Variants in SCN3A observed in about 807,000 individuals in gnomAD.
SCN3A encodes sodium voltage-gated channel alpha subunit 3.
Under a neutral mutation model 187.6 loss-of-function variants are expected in SCN3A, and 60 were observed. The ratio of observed to expected loss-of-function variants is 0.32; its 90% CI spans 0.26 to 0.40. The LOEUF (loss-of-function observed/expected upper bound fraction) is 0.40. Ranked by LOEUF, SCN3A falls within the 10% of genes least tolerant of loss-of-function variation. The pLI is 1.00. For synonymous variants in SCN3A, 788 were observed against 829.2 expected (o/e 0.95, Z 0.85); for missense variants, 1,601 against 2,428.2 (o/e 0.66, Z 7.16).
chr2:165,103,036 CT>C (rs1685681531), intron 21 of SCN3A, among the ~76,000 whole-genome samples: 1 of 152,132 alleles, frequency 6.6e-6, no homozygotes, highest in African/African-American at 2.4e-5. Context: ...ATATTTTTTT[CT>C]GGTTTGCATG....
chr2:165,140,884 CA>C lies in SCN3A; in HGVS notation c.1785del (p.Asp595GlufsTer69). 1 of 1,614,062 alleles carries C rather than the reference CA, an allele frequency of 6.2e-7. No individual in the cohort carries two copies. Among genetic ancestry groups the C allele is most frequent in the African/African-American group, 1.3e-5 (1 of 75,046 alleles). On this transcript the variant is annotated frameshift_variant, in exon 13 of 28. Coordinates refer to ENST00000283254, the MANE Select transcript of SCN3A (RefSeq NM_006922.4). LOFTEE classifies it high-confidence loss of function. This position sits in a 1 kb window ranked among gnomAD's most constrained non-coding sequence, Gnocchi z 4.2. ...CTGTCTTCAAATGTGCTGTGTTCAT[CA>C]TCAGCAAAGTCATTTTCAGATCCAA... ...KDVGSENDFA[D>X]DEHSTFEDSE...
chr2:165,135,844 C>T (rs761178674), intron 15 of SCN3A, among the ~76,000 whole-genome samples: 34 of 152,086 alleles, frequency 2.2e-4, no homozygotes, highest in Non-Finnish European at 4.0e-4. Flanking sequence ...TAACTCAAGT[C>T]TGTTCCCTAT....
chr2:165,168,830 A>G lies in SCN3A; in HGVS notation c.384-5T>C. 1 of 1,599,814 alleles carries G rather than the reference A, an allele frequency of 6.3e-7. No homozygotes were observed. Among genetic ancestry groups the G allele is most frequent in the South Asian group, 1.1e-5 (1 of 90,810 alleles). On this transcript the variant is annotated splice_region_variant and splice_polypyrimidine_tract_variant and intron_variant, in intron 4 of 27. Transcript: ENST00000283254. ...ATGATAAGCATGCTGAATAAAGTAG[A>G]TTATAGTTAAGGAATAAATGTTAGT...
intron 11 of SCN3A, 85 bp from the exon 12 acceptor site, chr2:165,147,114 T>C: frequency 6.8e-7 from 1 of 1,478,548 alleles, no homozygotes; most frequent in Non-Finnish European, 9.3e-7. Context: ...CATTTAAGAC[T>C]CATTAACTAC....
intron 15 of SCN3A, among the ~76,000 whole-genome samples, chr2:165,131,705 C>G (rs1687332009): frequency 6.7e-6 from 1 of 150,240 alleles, no homozygotes; most frequent in Admixed American, 6.7e-5. Context: ...CACCCATTAA[C>G]TCGTCATTTA....
intron 12 of SCN3A, among the ~76,000 whole-genome samples, chr2:165,143,794 A>C (rs73969193): frequency 0.21 from 32,335 of 152,020 alleles, 3,400 homozygotes; most frequent in East Asian, 0.31. Context: ...GGAAAATAGA[A>C]GAAATTAGGT....
Position 165,163,494 on chromosome 2 carries a change from T to C in SCN3A, c.694+124A>G, listed in dbSNP as rs1689536958. 1.7e-5 allele frequency: 20 copies of C among 1,145,180 alleles called. 1 individual carries two copies. Among genetic ancestry groups the C allele is most frequent in the Non-Finnish European group, 1.4e-5 (11 of 777,974 alleles). The allele number at this position is 1,145,180 out of a possible 1,614,324, so 70.9% of individuals were successfully genotyped here. On this transcript the variant is annotated intron_variant, in intron 7 of 27. Coordinates refer to ENST00000283254, the MANE Select transcript of SCN3A (RefSeq NM_006922.4). ...TAGGAGCTAAACTGACATTGAAACA[T>C]CATTTGGCATTATTTAACGGGATGA... is the stretch of plus-strand genomic sequence containing the variant.
At chr2:165,103,740 A>T (rs1007113414) in intron 21 of SCN3A, among the ~76,000 whole-genome samples, 7 of 152,036 alleles carry the variant, frequency 4.6e-5, no homozygotes, top group Non-Finnish European at 1.0e-4. Context: ...AACAACAGGA[A>T]TTTTTTTTCC....
At chr2:165,191,310 T>G (rs1306545879) in intron 1 of SCN3A, among the ~76,000 whole-genome samples, 2 of 152,098 alleles carry the variant, frequency 1.3e-5, no homozygotes, top group Non-Finnish European at 2.9e-5. Context: ...TTACCTTGCC[T>G]GTCAGAGTGA....
intron 12 of SCN3A, among the ~76,000 whole-genome samples, chr2:165,142,494 T>C (rs1285252451): frequency 6.6e-6 from 1 of 152,214 alleles, no homozygotes; most frequent in East Asian, 1.9e-4. Context: ...CAGGAACTAT[T>C]GGCTGTCCAG....
In SCN3A at chr2:165,089,031, G is replaced by C. The variant is rs1443765909; in HGVS notation, c.*1119C>G. ...AACCAAGACTTGTGAAGAATGGATT[G>C]AGTAAAATAGAGCAGCATAGGCAAT... is the stretch of plus-strand genomic sequence containing the variant. On this transcript the variant is annotated 3_prime_UTR_variant, in exon 28 of 28. Transcript: ENST00000283254. The C allele has an allele frequency of 6.6e-6, 1 of 152,540 alleles. No homozygotes were observed. The highest frequency in any genetic ancestry group is 1.5e-5 in the Non-Finnish European group (1 of 68,000). 9.4% of individuals were successfully genotyped at this position (152,540 alleles called of 1,614,324 possible).
At chr2:165,167,276 A>G (rs1689827560) in intron 5 of SCN3A, among the ~76,000 whole-genome samples, 1 of 152,224 alleles carries the variant, frequency 6.6e-6, no homozygotes, top group Non-Finnish European at 1.5e-5. Context: ...AAAATCATGT[A>G]TAGTAAATGA....
At chr2:165,144,542 C>G (rs1001059864) in intron 12 of SCN3A, among the ~76,000 whole-genome samples, 1 of 152,124 alleles carries the variant, frequency 6.6e-6, no homozygotes, top group South Asian at 2.1e-4. Context: ...TTTGCACTTC[C>G]TCTTTCATCA....
rs1685131155 is a variant in SCN3A, at chr2:165,092,026, T to C, written c.4807+228A>G. On this transcript the variant is annotated intron_variant, in intron 27 of 27. Transcript: ENST00000283254. The surrounding 1 kb of genome is among the most constrained non-coding windows in gnomAD (Gnocchi z 4.2). ...AGAGTACCTGATAATGTTTATTTCC[T>C]GTCTTCTTCACCTCTTTCCCAAATC... 1.7e-6 allele frequency: 1 copy of C among 583,866 alleles called. No homozygotes were observed. The highest frequency in any genetic ancestry group is 3.0e-6 in the Non-Finnish European group (1 of 329,120). The allele number at this position is 583,866 out of a possible 1,614,324, so 36.2% of individuals were successfully genotyped here.
intron 1 of SCN3A, among the ~76,000 whole-genome samples, chr2:165,193,756 C>T (rs1691757373): frequency 6.6e-6 from 1 of 152,028 alleles, no homozygotes; most frequent in Non-Finnish European, 1.5e-5. Flanking sequence ...TTCAAGATGG[C>T]GGTGTTGACT....
chr2:165,123,718 G>A (rs1686822452), intron 18 of SCN3A, among the ~76,000 whole-genome samples: 2 of 152,116 alleles, frequency 1.3e-5, no homozygotes, highest in Admixed American at 1.3e-4. Context: ...CTATTAAAAG[G>A]GAATAACCCA....
chr2:165,100,488 G>T (rs1685553836), intron 21 of SCN3A, 64 bp from the exon 22 acceptor site: 5 of 1,532,218 alleles, frequency 3.3e-6, no homozygotes, highest in South Asian at 2.3e-5. Flanking sequence ...AAGGTATAGG[G>T]TGTGGTATCT....
In SCN3A at chr2:165,202,428, G is replaced by A. The variant is rs376761879; in HGVS notation, c.-248+1395C>T. Among the ~76,000 whole-genome samples, 20 of 152,124 alleles carry A rather than the reference G, an allele frequency of 1.3e-4. No individual in the cohort carries two copies. In the South Asian group the frequency reaches 4.2e-3, roughly 32 times the overall value. Reference sequence around the variant, plus strand: ...ATTTAGTCACCTGTAGAGAAGCATGGTGTGTACAATACACTCAAGTTAATT... The same window carrying A: ...ATTTAGTCACCTGTAGAGAAGCATGATGTGTACAATACACTCAAGTTAATT... On this transcript the variant is annotated intron_variant, in intron 1 of 27. Coordinates refer to ENST00000283254, the MANE Select transcript of SCN3A (RefSeq NM_006922.4).
At chr2:165,157,668 G>C (rs538256004) in intron 9 of SCN3A, among the ~76,000 whole-genome samples, 1 of 152,066 alleles carries the variant, frequency 6.6e-6, no homozygotes, top group Non-Finnish European at 1.5e-5. Flanking sequence ...TAAGGAACCC[G>C]CAGTTATGAT....
Sources: allele counts gnomAD v4.1 joint callset (sites outside exome capture counted in the v4.1 genomes callset), GRCh38; gene constraint gnomAD v4.1.1; non-coding constraint Gnocchi (gnomAD v3.1); transcripts MANE v1.5; gene names NCBI Gene and HGNC (gene_info 2026-07-23, HGNC 2026-07-21).